Variants in ARHGAP29 observed in about 807,000 individuals in gnomAD.
ARHGAP29 encodes Rho GTPase activating protein 29.
A neutral mutation model predicts 122.6 loss-of-function variants in ARHGAP29; 43 were observed. That is an observed-to-expected ratio of 0.35 (90% confidence interval 0.27 to 0.45). The LOEUF (loss-of-function observed/expected upper bound fraction) is 0.45. ARHGAP29 is among the 20% of genes least tolerant of loss of function. The pLI is 1.00. For missense variants in ARHGAP29, 1,303 were observed against 1,477.2 expected (o/e 0.88, Z 1.93); for synonymous variants, 506 against 497.1 (o/e 1.02, Z -0.24).
At chr1:94,208,385 A>ATTAAAAACAT (rs1651355244) in intron 5 of ARHGAP29, among the ~76,000 whole-genome samples, 2 of 152,340 alleles carry the variant, frequency 1.3e-5, no homozygotes, top group South Asian at 4.1e-4. Flanking sequence ...AGTTTAGTCA[A>ATTAAAAACAT]TTAAAAACAT....
intron 7 of ARHGAP29, among the ~76,000 whole-genome samples, chr1:94,204,726 C>G (rs760089249): frequency 1.3e-5 from 2 of 151,048 alleles, no homozygotes; most frequent in Non-Finnish European, 2.9e-5. Context: ...TGTTTCTTCT[C>G]TGTTTCCATT....
chr1:94,278,292 G>A (rs932776001), upstream of ARHGAP29, among the ~76,000 whole-genome samples: 15 of 151,946 alleles, frequency 9.9e-5, no homozygotes, highest in South Asian at 2.1e-4. Flanking sequence ...GCATTCCAGC[G>A]TAGGCAACAG....
At position 94,203,132 on chromosome 1, in the gene ARHGAP29, T is replaced by C. The variant is rs989355352; in HGVS notation, c.841A>G (p.Ile281Val). 5.0e-6 allele frequency: 8 copies of C among 1,613,396 alleles called. No homozygotes were observed. In the African/African-American group the frequency reaches 5.3e-5, roughly 11 times the overall value. The change falls in exon 9 of 23, where the codon ATT becomes GTT. Residue 281 changes from isoleucine (I) to valine (V), a missense_variant. By Grantham distance (29) the Ile-to-Val change is conservative. This residue lies in a region of ARHGAP29 where 592 missense variants were observed against 648.2 expected (regional missense o/e 0.91). Coordinates refer to ENST00000260526, the MANE Select transcript of ARHGAP29 (RefSeq NM_004815.4). Reference protein sequence around the residue: ...IESSHLLQQTIAALQANKFVQ... With the variant: ...IESSHLLQQTVAALQANKFVQ... ...AATTTGTTAGCCTGGAGAGCTGCAA[T>C]TGTTTGTTGTAAAAGGTGACTGCTT...
At chr1:94,296,533 T>A in the ARHGAP29 span, among the ~76,000 whole-genome samples, 1 of 152,232 alleles carries the variant, frequency 6.6e-6, no homozygotes, top group Non-Finnish European at 1.5e-5. Flanking sequence ...AGGCATCCAC[T>A]AGGGGTCTTG....
At position 94,208,853 on chromosome 1, in the gene ARHGAP29, C is replaced by T. The variant is rs142062583; in HGVS notation, c.489G>A (p.Leu163=). 3.1e-5 allele frequency: 50 copies of T among 1,613,916 alleles called. No homozygotes were observed. The African/African-American group carries it at 6.0e-4, about 19-fold the overall frequency. The part of the protein sequence containing the change: ...GDVGNDSLLR[L]PVSRETKSFE... ...TTACCTTAGTTTCTCGAGAAACAGGCAGTCGCAATAATGAATCATTGCCTA... is the reference window on the plus strand; with the variant it reads ...TTACCTTAGTTTCTCGAGAAACAGGTAGTCGCAATAATGAATCATTGCCTA... The change falls in exon 5 of 23, where the codon CTG becomes CTA. Residue 163 remains leucine, a synonymous_variant. Coordinates refer to ENST00000260526, the MANE Select transcript of ARHGAP29 (RefSeq NM_004815.4).
Position 94,189,224 on chromosome 1 carries a change from T to C in ARHGAP29, c.1568A>G (p.Asp523Gly), listed in dbSNP as rs761510733. ...TTAGGGTGGAAAACTACCTGTTATA[T>C]CTGCACTGTTAGAGCATCTGTCCTC... ...IEEDRCSNSADITGPSFIRSW... is the reference protein window; with the variant it reads ...IEEDRCSNSAGITGPSFIRSW... Residue 523 changes from aspartate (D) to glycine (G), a missense_variant, in exon 14 of 23, where the codon GAT (aspartate) becomes GGT (glycine). Around this residue, in one of 3 missense-constraint regions of ARHGAP29, gnomAD observed 592 missense variants for 648.2 expected, o/e 0.91. Coordinates refer to ENST00000260526, the MANE Select transcript of ARHGAP29 (RefSeq NM_004815.4). 1.9e-6 allele frequency: 3 copies of C among 1,609,816 alleles called. No homozygotes were observed. The highest frequency in any genetic ancestry group is 2.5e-6 in the Non-Finnish European group (3 of 1,178,706).
At chr1:94,200,483 T>G (rs1378047661) in intron 12 of ARHGAP29, among the ~76,000 whole-genome samples, 1 of 152,224 alleles carries the variant, frequency 6.6e-6, no homozygotes, top group Non-Finnish European at 1.5e-5. Context: ...GAAAACAGTT[T>G]GGCAGTTTCT....
chr1:94,271,114 A>G (rs1654975800), intron 1 of ARHGAP29, among the ~76,000 whole-genome samples: 1 of 152,174 alleles, frequency 6.6e-6, no homozygotes, highest in African/African-American at 2.4e-5. Context: ...TGTGATTGTT[A>G]ATGGGATTCA....
At position 94,200,025 on chromosome 1, in the gene ARHGAP29, T is replaced by C. The variant is rs139236753; in HGVS notation, c.1281+1695A>G. On this transcript the variant is annotated intron_variant, in intron 12 of 22. Coordinates refer to ENST00000260526, the MANE Select transcript of ARHGAP29 (RefSeq NM_004815.4). ...GATCATATATCTATATGTAAAACTA[T>C]TGAAATTTTAGTAGAAATCACAGGA... Among the ~76,000 whole-genome samples, 117 of 152,314 alleles carry C rather than the reference T, an allele frequency of 7.7e-4. No homozygotes were observed. The East Asian group carries it at 0.016, about 21-fold the overall frequency.
At chr1:94,224,864 C>T (rs1652522606) in intron 2 of ARHGAP29, among the ~76,000 whole-genome samples, 1 of 152,034 alleles carries the variant, frequency 6.6e-6, no homozygotes, top group African/African-American at 2.4e-5. Flanking sequence ...GAAGTTGTCC[C>T]CAACTAACAT....
At chr1:94,185,240 T>C (rs1388802165) in intron 17 of ARHGAP29, 102 bp downstream of exon 17, 1 of 1,339,732 alleles carries the variant, frequency 7.5e-7, no homozygotes, top group African/African-American at 1.5e-5. Context: ...GTACAATTTA[T>C]TAAACATATA....
chr1:94,273,070 C>T (rs1006405116), intron 1 of ARHGAP29, among the ~76,000 whole-genome samples: 1 of 152,058 alleles, frequency 6.6e-6, no homozygotes, highest in African/African-American at 2.4e-5. Context: ...GTCAATTGGA[C>T]ACTGTGACCA....
At chr1:94,301,254 T>G in the ARHGAP29 span, among the ~76,000 whole-genome samples, 25 of 152,242 alleles carry the variant, frequency 1.6e-4, no homozygotes, top group African/African-American at 5.3e-4. Context: ...TTTGATCTAG[T>G]GAATTAGTCA....
At chr1:94,216,804 C>G (rs1651979102) in intron 3 of ARHGAP29, among the ~76,000 whole-genome samples, 1 of 152,082 alleles carries the variant, frequency 6.6e-6, no homozygotes, top group Admixed American at 6.5e-5. Context: ...TAATAAATTA[C>G]TGAGTTCTGA....
At chr1:94,230,930 G>A (rs375088605) in intron 2 of ARHGAP29, among the ~76,000 whole-genome samples, 1 of 151,390 alleles carries the variant, frequency 6.6e-6, no homozygotes, top group South Asian at 2.1e-4. Flanking sequence ...TTACAGATCA[G>A]CAAAACAGAA....
chr1:94,193,275 G>T (rs997654178), intron 12 of ARHGAP29: 1 of 150,466 alleles, frequency 6.6e-6, no homozygotes, highest in Non-Finnish European at 1.5e-5. Context: ...AAGCTTTGGG[G>T]AAAAAACAGA....
At chr1:94,218,226 A>T (rs181683815) in intron 3 of ARHGAP29, among the ~76,000 whole-genome samples, 1 of 152,276 alleles carries the variant, frequency 6.6e-6, no homozygotes, top group African/African-American at 2.4e-5. Context: ...AACACAAAGA[A>T]AACACAATAT....
In ARHGAP29 at chr1:94,186,548, G is replaced by A. The variant is rs779037073; in HGVS notation, c.1731C>T (p.Ser577=). 1.9e-6 allele frequency: 3 copies of A among 1,613,736 alleles called. No individual in the cohort carries two copies. Among genetic ancestry groups the A allele is most frequent in the Non-Finnish European group, 1.7e-6 (2 of 1,179,792 alleles). Residue 577 remains serine (S), a synonymous_variant, in exon 16 of 23, where the codon TCC becomes TCT. Coordinates refer to ENST00000260526, the MANE Select transcript of ARHGAP29 (RefSeq NM_004815.4). ...CTCTTTCATCTAGATCATCTGCAGA[G>A]GACATAGTTCCACTGGATGGTGTTC... ...LPRTPSSGTM[S]SADDLDEREP...
the ARHGAP29 span, among the ~76,000 whole-genome samples, chr1:94,288,341 GTTGT>G: frequency 2.0e-4 from 31 of 152,272 alleles, no homozygotes; most frequent in South Asian, 3.7e-3. Context: ...TTTTGATGGG[GTTGT>G]TTGTTTTTTT....
Sources: allele counts gnomAD v4.1 joint callset (sites outside exome capture counted in the v4.1 genomes callset), GRCh38; gene constraint gnomAD v4.1.1; regional missense constraint gnomAD v4.1.1; transcripts MANE v1.5; gene names NCBI Gene and HGNC (gene_info 2026-07-23, HGNC 2026-07-21).